ARHGAP10: variants seen among roughly 807,000 people sequenced by gnomAD.
ARHGAP10 encodes Rho GTPase activating protein 10.
Under a neutral mutation model 108.6 loss-of-function variants are expected in ARHGAP10, and 87 were observed. The observed-to-expected ratio is 0.80, with a 90% CI of 0.67 to 0.96. The LOEUF is 0.96. Ranked by LOEUF, ARHGAP10 falls within the 40% of genes least tolerant of loss-of-function variation. The probability of loss-of-function intolerance (pLI) is 0.00; values close to 1 mark genes in which losing one functional copy is unlikely to be tolerated. For synonymous variants in ARHGAP10, 347 were observed against 341.1 expected (o/e 1.02, Z -0.19); for missense variants, 939 against 954.5 (o/e 0.98, Z 0.21).
chr4:147,920,608 G>T (rs1164435169), intron 13 of ARHGAP10, among the ~76,000 whole-genome samples: 1 of 150,504 alleles, frequency 6.6e-6, no homozygotes, highest in African/African-American at 2.4e-5. Flanking sequence ...TCATGCTCTA[G>T]GCCTCTGGGA....
At chr4:147,968,960 T>A (rs1232524245) in intron 18 of ARHGAP10, among the ~76,000 whole-genome samples, 1 of 152,252 alleles carries the variant, frequency 6.6e-6, no homozygotes, top group Non-Finnish European at 1.5e-5. Flanking sequence ...GTTACATAAC[T>A]TATTTTCTTG....
At chr4:148,024,894 G>C (rs977965154) in intron 19 of ARHGAP10, among the ~76,000 whole-genome samples, 1 of 152,188 alleles carries the variant, frequency 6.6e-6, no homozygotes, top group South Asian at 2.1e-4. Flanking sequence ...AAAGGAAAAA[G>C]AAATCAAGAA....
intron 5 of ARHGAP10, among the ~76,000 whole-genome samples, chr4:147,860,664 C>CT (rs1480006359): frequency 6.6e-6 from 1 of 152,112 alleles, no homozygotes; most frequent in East Asian, 1.9e-4. Context: ...TTTTTGAAGT[C>CT]TATTTTTTCT....
At chr4:147,825,606 A>T (rs1180359339) in intron 3 of ARHGAP10, among the ~76,000 whole-genome samples, 2 of 152,232 alleles carry the variant, frequency 1.3e-5, no homozygotes, top group African/African-American at 2.4e-5. Context: ...ACACACTGAC[A>T]GATACAGTCA....
rs183922403 is a variant in ARHGAP10, at chr4:148,002,249, C to G, written c.1717-21014C>G. Among the ~76,000 whole-genome samples, 252 of 152,280 alleles carry G rather than the reference C, an allele frequency of 1.7e-3. 1 individual carries two copies. Among genetic ancestry groups the G allele is most frequent in the African/African-American group, 5.8e-3 (242 of 41,552 alleles). ...TTTATATGTTGAACCAGCCTTGCAT[C>G]CCAGGGATGAAGTCCACTTGATCAT... On this transcript the variant is annotated intron_variant, in intron 18 of 22. Transcript: ENST00000336498.
intron 19 of ARHGAP10, among the ~76,000 whole-genome samples, chr4:148,023,980 G>A (rs547555041): frequency 1.6e-4 from 25 of 152,220 alleles, no homozygotes; most frequent in Non-Finnish European, 2.1e-4. Flanking sequence ...CGTCCCTTCC[G>A]AGCCATGCTG....
intron 1 of ARHGAP10, among the ~76,000 whole-genome samples, chr4:147,784,751 ATTATAAAATG>A: frequency 4.2e-5 from 1 of 23,646 alleles, no homozygotes. Context: ...ATAAATATAT[ATTATAAAATG>A]TATATTATAA....
chr4:147,741,377 G>C (rs1319937709), intron 1 of ARHGAP10, among the ~76,000 whole-genome samples: 1 of 152,110 alleles, frequency 6.6e-6, no homozygotes, highest in Non-Finnish European at 1.5e-5. Context: ...CATGTCTCAG[G>C]ACTATATGAG....
chr4:147,929,757 T>G (rs1021388318), intron 13 of ARHGAP10, among the ~76,000 whole-genome samples: 1 of 152,220 alleles, frequency 6.6e-6, no homozygotes, highest in Non-Finnish European at 1.5e-5. Flanking sequence ...TCCTTCATTT[T>G]CAAGAATATT....
At chr4:148,002,765 T>C (rs1280388983) in intron 18 of ARHGAP10, among the ~76,000 whole-genome samples, 1 of 152,248 alleles carries the variant, frequency 6.6e-6, no homozygotes, top group African/African-American at 2.4e-5. Flanking sequence ...TGATATCCTC[T>C]TTATCATTTT....
intron 18 of ARHGAP10, among the ~76,000 whole-genome samples, chr4:147,976,650 A>G (rs1019230255): frequency 6.6e-6 from 1 of 152,018 alleles, no homozygotes; most frequent in Non-Finnish European, 1.5e-5. Flanking sequence ...CTTTCCTTTA[A>G]GGAGAGAAGG....
At chr4:147,766,836 A>ATTTATT (rs1337174185) in intron 1 of ARHGAP10, among the ~76,000 whole-genome samples, 53 of 43,572 alleles carry the variant, frequency 1.2e-3, no homozygotes, top group African/African-American at 3.6e-3. Context: ...ATATATATAT[A>ATTTATT]TATTTATTTA....
chr4:148,018,629 A>G (rs1251065370), intron 18 of ARHGAP10, among the ~76,000 whole-genome samples: 2 of 152,084 alleles, frequency 1.3e-5, no homozygotes, highest in Non-Finnish European at 2.9e-5. Flanking sequence ...GTAAATGCAC[A>G]TAAAGGTAAT....
chr4:147,756,307 G>T (rs1033327696), intron 1 of ARHGAP10, among the ~76,000 whole-genome samples: 1 of 152,128 alleles, frequency 6.6e-6, no homozygotes, highest in Non-Finnish European at 1.5e-5. Context: ...AGAGGAAGGT[G>T]TGGGTGGTGG....
chr4:147,775,145 C>G (rs1730233755), intron 1 of ARHGAP10, among the ~76,000 whole-genome samples: 1 of 152,092 alleles, frequency 6.6e-6, no homozygotes, highest in Non-Finnish European at 1.5e-5. Context: ...GAACTCCTGA[C>G]CTCGTGATCC....
chr4:148,036,066 C>CTG (rs61692055), intron 19 of ARHGAP10, among the ~76,000 whole-genome samples: 25,365 of 142,714 alleles, frequency 0.18, 2,137 homozygotes, highest in East Asian at 0.21. Context: ...GGAGCTGCCT[C>CTG]TGTGTGTGTG....
At chr4:148,019,400 C>T (rs575853827) in intron 18 of ARHGAP10, among the ~76,000 whole-genome samples, 3 of 152,150 alleles carry the variant, frequency 2.0e-5, no homozygotes, top group African/African-American at 7.2e-5. Flanking sequence ...CCCTGTAGTA[C>T]AGGCATTATG....
At chr4:148,032,347 A>T (rs1028999004) in intron 19 of ARHGAP10, among the ~76,000 whole-genome samples, 21 of 37,152 alleles carry the variant, frequency 5.7e-4, no homozygotes, top group African/African-American at 2.0e-3. Flanking sequence ...CCCCCCCCCC[A>T]TATTGTAGGC....
chr4:147,780,704 A>G (rs1730495009), intron 1 of ARHGAP10, among the ~76,000 whole-genome samples: 1 of 152,206 alleles, frequency 6.6e-6, no homozygotes, highest in African/African-American at 2.4e-5. Flanking sequence ...GGTCATAACA[A>G]GCCTGCCTCA....
Sources: allele counts gnomAD v4.1 joint callset (sites outside exome capture counted in the v4.1 genomes callset), GRCh38; gene constraint gnomAD v4.1.1; transcripts MANE v1.5; gene names NCBI Gene and HGNC (gene_info 2026-07-23, HGNC 2026-07-21).